The following SIPA1L2 variants were observed in gnomAD, a reference collection of about 807,000 sequenced individuals.
The protein encoded by SIPA1L2 is signal-induced proliferation-associated 1-like protein 2.
SIPA1L2 carries 56 observed loss-of-function variants against 163.9 expected under a neutral mutation model. That is an observed-to-expected ratio of 0.34 (90% CI 0.28 to 0.43). SIPA1L2 has a LOEUF of 0.43. Among genes scored for constraint, SIPA1L2 ranks in the 20% least tolerant of loss-of-function variants. The pLI, the probability that SIPA1L2 is intolerant of heterozygous loss-of-function variation, is 1.00. For synonymous variants in SIPA1L2, 877 were observed against 865.7 expected (o/e 1.01, Z -0.23); for missense variants, 1,974 against 2,193.5 (o/e 0.90, Z 2.00).
At position 232,515,042 on chromosome 1, in the gene SIPA1L2, C is replaced by T; in HGVS notation, c.298G>A (p.Glu100Lys). 1 of 1,614,178 alleles carries T rather than the reference C, an allele frequency of 6.2e-7. No homozygotes were observed. Among genetic ancestry groups the T allele is most frequent in the Non-Finnish European group, 8.5e-7 (1 of 1,180,040 alleles). The change falls in exon 3 of 23, where the codon GAA becomes AAA. Residue 100 changes from glutamate to lysine, a missense_variant. Glu to Lys is a moderately conservative substitution (Grantham distance 56). Around this residue, in one of 3 missense-constraint regions of SIPA1L2, gnomAD observed 607 missense variants for 624.0 expected, o/e 0.97. Transcript: ENST00000674635. Reference sequence around the variant, plus strand: ...TCATAACTGGTCTGAGACCGGCTTTCCCACAGTGCCTTGCATGTTAGCTCC... The same window carrying T: ...TCATAACTGGTCTGAGACCGGCTTTTCCACAGTGCCTTGCATGTTAGCTCC... ...SKELTCKALWESRSQTSYESI... is the reference protein window; with the variant it reads ...SKELTCKALWKSRSQTSYESI...
intron 4 of SIPA1L2, 81 bp downstream of exon 4, chr1:232,493,446 C>A: frequency 6.6e-7 from 1 of 1,515,914 alleles, no homozygotes; most frequent in South Asian, 1.2e-5. Context: ...AATTCAGTAC[C>A]CTATCTAAAA....
At chr1:232,596,785 C>T (rs1028370851) in intron 1 of SIPA1L2, among the ~76,000 whole-genome samples, 5 of 152,106 alleles carry the variant, frequency 3.3e-5, no homozygotes, top group East Asian at 1.9e-4. Context: ...GCTTCTTCCC[C>T]GCTTCGCCTG....
intron 3 of SIPA1L2, among the ~76,000 whole-genome samples, chr1:232,498,972 G>C (rs978355750): frequency 3.3e-5 from 5 of 152,182 alleles, no homozygotes; most frequent in African/African-American, 1.2e-4. Context: ...ATGTTGAACA[G>C]TGGATGTCTC....
intron 4 of SIPA1L2, among the ~76,000 whole-genome samples, chr1:232,491,895 C>A (rs1305129053): frequency 6.6e-6 from 1 of 152,188 alleles, no homozygotes. Flanking sequence ...TATACTAATA[C>A]AGGAGCCCCT....
chr1:232,607,218 AT>A (rs1205567893), intron 1 of SIPA1L2, among the ~76,000 whole-genome samples: 1 of 152,136 alleles, frequency 6.6e-6, no homozygotes, highest in Admixed American at 6.5e-5. Context: ...ACCATTGTAA[AT>A]TTTTTAATGT....
chr1:232,410,098 A>G (rs1660863660), intron 19 of SIPA1L2, among the ~76,000 whole-genome samples: 1 of 152,108 alleles, frequency 6.6e-6, no homozygotes, highest in Admixed American at 6.6e-5. Flanking sequence ...TTTAAATGTC[A>G]AAGATTCCAG....
intron 2 of SIPA1L2, among the ~76,000 whole-genome samples, chr1:232,532,110 T>C (rs1263449987): frequency 6.6e-6 from 1 of 152,060 alleles, no homozygotes; most frequent in Admixed American, 6.6e-5. Context: ...ATGGGAAGGA[T>C]GGAGGTAAGG....
At chr1:232,563,955 T>TGTG (rs1558270699) in intron 2 of SIPA1L2, among the ~76,000 whole-genome samples, 10 of 116,766 alleles carry the variant, frequency 8.6e-5, no homozygotes, top group African/African-American at 4.0e-4. Context: ...TTTTTTTTTT[T>TGTG]CGTGTGTGTG....
At chr1:232,615,990 C>T (rs928571233) in intron 1 of SIPA1L2, among the ~76,000 whole-genome samples, 3 of 152,198 alleles carry the variant, frequency 2.0e-5, no homozygotes, top group African/African-American at 7.2e-5. Context: ...TCGATAAATC[C>T]TCTCCATAAT....
intron 1 of SIPA1L2, among the ~76,000 whole-genome samples, chr1:232,611,400 A>T (rs1662228203): frequency 6.6e-6 from 1 of 152,290 alleles, no homozygotes; most frequent in Non-Finnish European, 1.5e-5. Context: ...AACAGTTTGG[A>T]GGGCTCAGAA....
chr1:232,557,631 T>A (rs1658790049), intron 2 of SIPA1L2, among the ~76,000 whole-genome samples: 1 of 152,216 alleles, frequency 6.6e-6, no homozygotes, highest in African/African-American at 2.4e-5. Flanking sequence ...GTTCTCACTG[T>A]CTCTGGCAAG....
chr1:232,440,884 G>A (rs769365695), intron 14 of SIPA1L2, among the ~76,000 whole-genome samples: 7 of 152,148 alleles, frequency 4.6e-5, no homozygotes, highest in Admixed American at 1.3e-4. Context: ...GGGCAGCTGC[G>A]GCCGTGATGA....
chr1:232,528,954 A>C (rs1049643669), intron 2 of SIPA1L2, among the ~76,000 whole-genome samples: 2 of 152,184 alleles, frequency 1.3e-5, no homozygotes, highest in African/African-American at 2.4e-5. Context: ...TCACAATCAG[A>C]ACATGAGATC....
At chr1:232,550,136 T>C (rs574840911) in intron 2 of SIPA1L2, among the ~76,000 whole-genome samples, 85 of 152,344 alleles carry the variant, frequency 5.6e-4, no homozygotes, top group Admixed American at 2.2e-3. Context: ...AAATACTTAT[T>C]AACAATGCTA....
chr1:232,440,883 C>T (rs922652143), intron 14 of SIPA1L2, among the ~76,000 whole-genome samples: 7 of 152,156 alleles, frequency 4.6e-5, no homozygotes, highest in Non-Finnish European at 8.8e-5. Flanking sequence ...TGGGCAGCTG[C>T]GGCCGTGATG....
chr1:232,507,234 C>T (rs187108541), intron 3 of SIPA1L2, among the ~76,000 whole-genome samples: 1 of 151,824 alleles, frequency 6.6e-6, no homozygotes, highest in East Asian at 1.9e-4. Context: ...CTTTGGGTAC[C>T]AGTCAGGGAT....
At chr1:232,558,909 T>C (rs1219422645) in intron 2 of SIPA1L2, among the ~76,000 whole-genome samples, 1 of 152,228 alleles carries the variant, frequency 6.6e-6, no homozygotes, top group Non-Finnish European at 1.5e-5. Context: ...AGAAGTGTCA[T>C]GGAAACAGTT....
chr1:232,550,285 G>C (rs1658298819), intron 2 of SIPA1L2, among the ~76,000 whole-genome samples: 1 of 152,134 alleles, frequency 6.6e-6, no homozygotes, highest in African/African-American at 2.4e-5. Flanking sequence ...ATTATATCAA[G>C]TCAAATATTT....
chr1:232,629,049 T>C (rs1411701676), intron 1 of SIPA1L2, among the ~76,000 whole-genome samples: 1 of 152,196 alleles, frequency 6.6e-6, no homozygotes, highest in Non-Finnish European at 1.5e-5. Flanking sequence ...CCAATGCACT[T>C]GATTTTTTCC....
Sources: gnomAD v4.1 joint callset for allele counts (sites outside exome capture counted in the v4.1 genomes callset) on GRCh38, gnomAD v4.1.1 for gene constraint, gnomAD v4.1.1 regional missense constraint, MANE v1.5 for transcripts, NCBI Gene and HGNC (gene_info 2026-07-23, HGNC 2026-07-21) for gene names.